Variants in GIPC3 observed in about 807,000 individuals in gnomAD.
GIPC3 encodes the protein GIPC PDZ domain containing family member 3, also known as PDZ domain-containing protein GIPC3.
GIPC3 carries 16 observed loss-of-function variants against 27.3 expected under a neutral mutation model. That is an observed-to-expected ratio of 0.59 (90% confidence interval 0.40 to 0.89). GIPC3 has a LOEUF of 0.89. GIPC3 is among the 40% of genes least tolerant of loss of function. The pLI, the probability that GIPC3 is intolerant of heterozygous loss-of-function variation, is 0.00. For missense variants in GIPC3, 440 were observed against 442.1 expected, an observed-to-expected ratio of 1.00 and a Z score of 0.04; for synonymous variants, 194 against 184.6, an observed-to-expected ratio of 1.05 and a Z score of -0.41.
Position 3,590,110 on chromosome 19 carries a change from T to C in GIPC3, c.859T>C (p.Leu287=). The change falls in exon 6 of 6, where the codon TTG becomes CTG. Residue 287 remains leucine (L), a synonymous_variant. Transcript: ENST00000644452. ...QEFARCLDSV[L]GEFAFPDEFV... ...GTTTGCACGCTGTTTAGACTCCGTC[T>C]TGGGCGAGTTCGCCTTCCCCGACGA... 6.2e-7 allele frequency: 1 copy of C among 1,611,396 alleles called. No individual in the cohort carries two copies. Among genetic ancestry groups the C allele is most frequent in the Non-Finnish European group, 8.5e-7 (1 of 1,179,124 alleles).
Position 3,592,433 on chromosome 19 carries a change from C to T in GIPC3, c.*2243C>T, listed in dbSNP as rs558978587. The T allele has an allele frequency of 4.5e-5, 55 of 1,231,808 alleles. 1 individual carries two copies. The South Asian group carries it at 1.1e-3, about 24-fold the overall frequency. 76.3% of individuals were successfully genotyped at this position (1,231,808 alleles called of 1,614,324 possible). Reference sequence around the variant, plus strand: ...TTAGTTCGGGAACCCAGCTGATTTCCGGAGCCCAACCCAGCTCCAGAACTC... The same window carrying T: ...TTAGTTCGGGAACCCAGCTGATTTCTGGAGCCCAACCCAGCTCCAGAACTC... On this transcript the variant is annotated 3_prime_UTR_variant, in exon 6 of 6. Coordinates refer to ENST00000644452, the MANE Select transcript of GIPC3 (RefSeq NM_133261.3).
At position 3,591,083 on chromosome 19, in the gene GIPC3, T is replaced by C; in HGVS notation, c.*893T>C. The C allele has an allele frequency of 3.2e-6, 4 of 1,232,686 alleles. No homozygotes were observed. Among genetic ancestry groups the C allele is most frequent in the Non-Finnish European group, 4.0e-6 (4 of 988,562 alleles). 76.4% of individuals were successfully genotyped at this position (1,232,686 alleles called of 1,614,324 possible). A position where few individuals can be genotyped will look rare whatever the true frequency, so the allele number is the denominator to read the frequency against. ...CGTGTTCTAGAATTCAGGCCACATC[T>C]GAAGCCAAGCCCAGCTCTAGAACTC... On this transcript the variant is annotated 3_prime_UTR_variant, in exon 6 of 6. Transcript: ENST00000644452.
At position 3,591,310 on chromosome 19, in the gene GIPC3, T is replaced by C; in HGVS notation, c.*1120T>C. ...ACGAAGCACATCTCTAGAATCCAGC[T>C]GAGCCCTGACAACAAGCCAAACTCT... On this transcript the variant is annotated 3_prime_UTR_variant, in exon 6 of 6. Transcript: ENST00000644452. 1.6e-6 allele frequency: 2 copies of C among 1,232,354 alleles called. No homozygotes were observed. 76.3% of individuals were successfully genotyped at this position (1,232,354 alleles called of 1,614,324 possible).
chr19:3,592,097 C>T lies in GIPC3; in HGVS notation c.*1907C>T, dbSNP rs1034581715. The T allele has an allele frequency of 4.9e-5, 60 of 1,231,996 alleles. No individual in the cohort carries two copies. The highest frequency in any genetic ancestry group is 6.1e-5 in the Non-Finnish European group (60 of 988,086). 76.3% of individuals were successfully genotyped at this position (1,231,996 alleles called of 1,614,324 possible). ...CCAGAATCCAGCTAAGCTCTGGAGTCCAATCTAGTCCTGGGACCCAGGCCA... is the reference window on the plus strand; with the variant it reads ...CCAGAATCCAGCTAAGCTCTGGAGTTCAATCTAGTCCTGGGACCCAGGCCA... On this transcript the variant is annotated 3_prime_UTR_variant, in exon 6 of 6. Coordinates refer to ENST00000644452, the MANE Select transcript of GIPC3 (RefSeq NM_133261.3).
intron 3 of GIPC3, among the ~76,000 whole-genome samples, chr19:3,588,162 G>A (rs1403270864): frequency 2.0e-5 from 3 of 151,808 alleles, no homozygotes; most frequent in Non-Finnish European, 4.4e-5. Flanking sequence ...GTGCCACCAT[G>A]CCTGGCTAAT....
At chr19:3,586,158 A>T (rs1223395659) in intron 1 of GIPC3, among the ~76,000 whole-genome samples, 1 of 152,162 alleles carries the variant, frequency 6.6e-6, no homozygotes, top group Non-Finnish European at 1.5e-5. Flanking sequence ...CTGGGGTTCC[A>T]GATGGCCCCC....
chr19:3,589,808 A>C (rs1568278613), intron 4 of GIPC3, 23 bp from the exon 5 acceptor site: 2 of 1,611,192 alleles, frequency 1.2e-6, no homozygotes, highest in East Asian at 2.2e-5. Context: ...TTCACCCCTG[A>C]CTTCCCTCCC....
In GIPC3 at chr19:3,585,518, CG is replaced by C. The variant is rs1199803748; in HGVS notation, c.-75del. The C allele has an allele frequency of 2.8e-6, 3 of 1,062,452 alleles. No individual in the cohort carries two copies. Among genetic ancestry groups the C allele is most frequent in the Non-Finnish European group, 3.4e-6 (3 of 878,542 alleles). 65.8% of individuals were successfully genotyped at this position (1,062,452 alleles called of 1,614,324 possible). On this transcript the variant is annotated 5_prime_UTR_variant, in exon 1 of 6. Coordinates refer to ENST00000644452, the MANE Select transcript of GIPC3 (RefSeq NM_133261.3). ...GCGTCTCGGCTGTCGCGCCCTGGGC[CG>C]GGGGAGGGGAGGCTGCAGGAAGCGG...
In GIPC3 at chr19:3,589,444, T is replaced by C; in HGVS notation, c.594T>C (p.Asp198=). The C allele has an allele frequency of 6.2e-7, 1 of 1,611,612 alleles. No homozygotes were observed. The highest frequency in any genetic ancestry group is 8.5e-7 in the Non-Finnish European group (1 of 1,177,894). The part of the protein sequence containing the change: ...LRLVQPKRAF[D]MIGQRSRSSK... ...CATCCCTCACTCTGTTCCCTCCAGA[T>C]ATGATTGGCCAGAGAAGTCGGTCCA... Residue 198 remains aspartate (D), a splice_region_variant and synonymous_variant, in exon 4 of 6, where the codon GAT becomes GAC. Coordinates refer to ENST00000644452, the MANE Select transcript of GIPC3 (RefSeq NM_133261.3).
intron 3 of GIPC3, among the ~76,000 whole-genome samples, chr19:3,587,668 T>C (rs1162674911): frequency 4.9e-5 from 2 of 40,458 alleles, no homozygotes; most frequent in Non-Finnish European, 6.7e-5. Context: ...TTTTCTTTTT[T>C]TTTTCCTTTC....
In GIPC3 at chr19:3,592,758, G is replaced by C; in HGVS notation, c.*2568G>C. 13 of 1,232,062 alleles carry C rather than the reference G, an allele frequency of 1.1e-5. No individual in the cohort carries two copies. Among genetic ancestry groups the C allele is most frequent in the Non-Finnish European group, 1.3e-5 (13 of 987,978 alleles). 76.3% of individuals were successfully genotyped at this position (1,232,062 alleles called of 1,614,324 possible). ...CGGCTCAAGAATTCAGCCCAGCCCTGGAGCCCACCTTAGTTCTGGAACCCA... is the reference window on the plus strand; with the variant it reads ...CGGCTCAAGAATTCAGCCCAGCCCTCGAGCCCACCTTAGTTCTGGAACCCA... On this transcript the variant is annotated 3_prime_UTR_variant, in exon 6 of 6. Coordinates refer to ENST00000644452, the MANE Select transcript of GIPC3 (RefSeq NM_133261.3).
rs2032517445 is a variant in GIPC3 at position 3,593,057 on chromosome 19, C to T, written c.*2867C>T. ...CCATCCCAGGCTTACCCCAAGCCTC[C>T]TACCTGGCCCCACAGTCACAGGTCT... On this transcript the variant is annotated 3_prime_UTR_variant, in exon 6 of 6. Coordinates refer to ENST00000644452, the MANE Select transcript of GIPC3 (RefSeq NM_133261.3). The T allele has an allele frequency of 1.1e-5, 13 of 1,232,348 alleles. No homozygotes were observed. The highest frequency in any genetic ancestry group is 1.3e-5 in the Non-Finnish European group (13 of 988,270). 76.3% of individuals were successfully genotyped at this position (1,232,348 alleles called of 1,614,324 possible).
intron 4 of GIPC3, 27 bp from the exon 5 acceptor site, chr19:3,589,804 C>T (rs770668040): frequency 1.9e-6 from 3 of 1,610,080 alleles, no homozygotes; most frequent in South Asian, 2.2e-5. Flanking sequence ...GCTTTTCACC[C>T]CTGACTTCCC....
In GIPC3 at chr19:3,592,755, C is replaced by A; in HGVS notation, c.*2565C>A. The A allele has an allele frequency of 8.1e-7, 1 of 1,231,844 alleles. No homozygotes were observed. Among genetic ancestry groups the A allele is most frequent in the Admixed American group, 4.2e-5 (1 of 23,718 alleles). 76.3% of individuals were successfully genotyped at this position (1,231,844 alleles called of 1,614,324 possible). A position where few individuals can be genotyped will look rare whatever the true frequency, so the allele number is the denominator to read the frequency against. Reference sequence around the variant, plus strand: ...GACCGGCTCAAGAATTCAGCCCAGCCCTGGAGCCCACCTTAGTTCTGGAAC... The same window carrying A: ...GACCGGCTCAAGAATTCAGCCCAGCACTGGAGCCCACCTTAGTTCTGGAAC... On this transcript the variant is annotated 3_prime_UTR_variant, in exon 6 of 6. Coordinates refer to ENST00000644452, the MANE Select transcript of GIPC3 (RefSeq NM_133261.3).
rs1397013658 is a variant in GIPC3, at chr19:3,589,499, A to G, written c.649A>G (p.Ser217Gly). The G allele has an allele frequency of 6.2e-7, 1 of 1,614,076 alleles. No homozygotes were observed. The highest frequency in any genetic ancestry group is 8.5e-7 in the Non-Finnish European group (1 of 1,180,036). ...SKCPVEAKVT[S>G]GRETLRLRSG... is the part of the protein sequence containing the mutation. ...ATGTCCAGTAGAGGCGAAAGTGACC[A>G]GCGGGAGGGAGACCCTGCGGCTTCG... The change falls in exon 4 of 6, where the codon AGC becomes GGC. Residue 217 changes from serine (S) to glycine (G), a missense_variant. Ser to Gly is a moderately conservative substitution (Grantham distance 56). Coordinates refer to ENST00000644452, the MANE Select transcript of GIPC3 (RefSeq NM_133261.3).
At chr19:3,585,979 G>C (rs545416131) in intron 1 of GIPC3, among the ~76,000 whole-genome samples, 157 bp downstream of exon 1, 1 of 152,198 alleles carries the variant, frequency 6.6e-6, no homozygotes, top group Non-Finnish European at 1.5e-5. Context: ...TCAGATCCCG[G>C]GGTGCCACAC....
At position 3,593,014 on chromosome 19, in the gene GIPC3, T is replaced by A; in HGVS notation, c.*2824T>A. On this transcript the variant is annotated 3_prime_UTR_variant, in exon 6 of 6. Coordinates refer to ENST00000644452, the MANE Select transcript of GIPC3 (RefSeq NM_133261.3). Reference sequence around the variant, plus strand: ...CAGCCCCATGATCAGGTATGTGGCATCCAGGCCAGCCTTGGCCCCATCCCA... The same window carrying A: ...CAGCCCCATGATCAGGTATGTGGCAACCAGGCCAGCCTTGGCCCCATCCCA... 1.8e-6 allele frequency: 2 copies of A among 1,137,758 alleles called. No homozygotes were observed. Among genetic ancestry groups the A allele is most frequent in the Non-Finnish European group, 2.1e-6 (2 of 935,312 alleles). 70.5% of individuals were successfully genotyped at this position (1,137,758 alleles called of 1,614,324 possible).
Position 3,589,911 on chromosome 19 carries a change from G to A in GIPC3, c.786G>A (p.Leu262=). The change falls in exon 5 of 6, where the codon CTG becomes CTA. Residue 262 remains leucine (L), a splice_region_variant and synonymous_variant. Coordinates refer to ENST00000644452, the MANE Select transcript of GIPC3 (RefSeq NM_133261.3). ...ACATGGGCATTCGGGACCCCGAGCT[G>A]GGTAAGGGGCCAGGGTAAGCCAGGG... is the stretch of plus-strand genomic sequence containing the variant. ...ESYMGIRDPE[L]ASTMVETSKK... The A allele has an allele frequency of 1.2e-6, 2 of 1,613,854 alleles. No individual in the cohort carries two copies. Among genetic ancestry groups the A allele is most frequent in the Non-Finnish European group, 1.7e-6 (2 of 1,180,016 alleles).
Position 3,592,615 on chromosome 19 carries a change from G to A in GIPC3, c.*2425G>A. The A allele has an allele frequency of 3.4e-5, 42 of 1,232,046 alleles. No individual in the cohort carries two copies. Among genetic ancestry groups the A allele is most frequent in the Non-Finnish European group, 4.1e-5 (41 of 987,982 alleles). 76.3% of individuals were successfully genotyped at this position (1,232,046 alleles called of 1,614,324 possible). On this transcript the variant is annotated 3_prime_UTR_variant, in exon 6 of 6. Coordinates refer to ENST00000644452, the MANE Select transcript of GIPC3 (RefSeq NM_133261.3). ...AGCTCTGGAACCCAGTTCAGTTCTGGGATTCAGTTTGGCTCTGAAACCCAG... is the reference window on the plus strand; with the variant it reads ...AGCTCTGGAACCCAGTTCAGTTCTGAGATTCAGTTTGGCTCTGAAACCCAG...
Sources: allele counts gnomAD v4.1 joint callset (sites outside exome capture counted in the v4.1 genomes callset), GRCh38; gene constraint gnomAD v4.1.1; transcripts MANE v1.5; gene names NCBI Gene and HGNC (gene_info 2026-07-23, HGNC 2026-07-21).